The following SCAPER variants were observed in gnomAD, a reference collection of about 807,000 sequenced individuals.
SCAPER encodes the protein S phase cyclin A-associated protein in the endoplasmic reticulum.
Under a neutral mutation model 182.2 loss-of-function variants are expected in SCAPER, and 98 were observed. That is an observed-to-expected ratio of 0.54 (90% CI 0.46 to 0.64). The LOEUF (loss-of-function observed/expected upper bound fraction) is 0.64. SCAPER is among the 30% of genes least tolerant of loss of function. The probability of loss-of-function intolerance (pLI) is 0.00; values close to 1 mark genes in which losing one functional copy is unlikely to be tolerated. For synonymous variants in SCAPER, 605 were observed against 564.6 expected, an observed-to-expected ratio of 1.07 and a Z score of -1.01; for missense variants, 1,432 against 1,690.0, an observed-to-expected ratio of 0.85 and a Z score of 2.68.
intron 22 of SCAPER, among the ~76,000 whole-genome samples, chr15:76,611,943 T>C (rs966096605): frequency 6.6e-6 from 1 of 152,076 alleles, no homozygotes; most frequent in African/African-American, 2.4e-5. Flanking sequence ...GGAATATACC[T>C]CAAAATAATA....
At chr15:76,656,896 G>T (rs1218265468) in intron 21 of SCAPER, among the ~76,000 whole-genome samples, 1 of 152,144 alleles carries the variant, frequency 6.6e-6, no homozygotes, top group Non-Finnish European at 1.5e-5. Flanking sequence ...CACAGCTAAA[G>T]CAGTGTTAAG....
rs1028633525 is a variant in SCAPER at position 76,722,851 on chromosome 15, G to A, written c.2165+5744C>T. Among the ~76,000 whole-genome samples, 8 of 151,660 alleles carry A rather than the reference G, an allele frequency of 5.3e-5. No individual in the cohort carries two copies. The East Asian group carries it at 5.8e-4, about 11-fold the overall frequency. On this transcript the variant is annotated intron_variant, in intron 17 of 31. Transcript: ENST00000563290. Reference sequence around the variant, plus strand: ...TTATTAGTCTTGCTAGCAGTCTATCGATTTTGCTGATCTTTTAAAAAAACA... The same window carrying A: ...TTATTAGTCTTGCTAGCAGTCTATCAATTTTGCTGATCTTTTAAAAAAACA...
chr15:76,554,447 G>C (rs905433445), intron 23 of SCAPER, among the ~76,000 whole-genome samples: 1 of 152,134 alleles, frequency 6.6e-6, no homozygotes, highest in Non-Finnish European at 1.5e-5. Flanking sequence ...AAACTCTCTA[G>C]ATAGGAATAA....
At chr15:76,738,029 A>G (rs2061362833) in intron 15 of SCAPER, among the ~76,000 whole-genome samples, 1 of 152,208 alleles carries the variant, frequency 6.6e-6, no homozygotes, top group African/African-American at 2.4e-5. Context: ...CTTTCTTATC[A>G]TTCATATGTT....
chr15:76,639,491 T>C (rs1344649371), intron 21 of SCAPER, among the ~76,000 whole-genome samples: 1 of 152,246 alleles, frequency 6.6e-6, no homozygotes, highest in Non-Finnish European at 1.5e-5. Context: ...TAACTATAGC[T>C]ATGACTGGTA....
intron 29 of SCAPER, among the ~76,000 whole-genome samples, chr15:76,358,276 C>T (rs149720580): frequency 6.6e-6 from 1 of 152,328 alleles, no homozygotes; most frequent in African/African-American, 2.4e-5. Context: ...GGAGACAAGA[C>T]CGTAGGTGCA....
chr15:76,646,542 T>C (rs1368255516), intron 21 of SCAPER, among the ~76,000 whole-genome samples: 2 of 152,192 alleles, frequency 1.3e-5, no homozygotes, highest in Non-Finnish European at 2.9e-5. Flanking sequence ...ACAAATCTAG[T>C]TCCTTTATCT....
intron 23 of SCAPER, among the ~76,000 whole-genome samples, chr15:76,560,591 G>A (rs1209941206): frequency 6.6e-6 from 1 of 152,072 alleles, no homozygotes; most frequent in Non-Finnish European, 1.5e-5. Flanking sequence ...GCTCTTAACT[G>A]CTTCCCTAAA....
At chr15:76,627,741 C>T (rs975852137) in intron 21 of SCAPER, among the ~76,000 whole-genome samples, 3 of 152,166 alleles carry the variant, frequency 2.0e-5, no homozygotes, top group East Asian at 1.9e-4. Flanking sequence ...GTGAATAGTG[C>T]TGTAATGAAC....
chr15:76,681,366 A>G (rs1020930781), intron 20 of SCAPER, among the ~76,000 whole-genome samples: 1 of 152,244 alleles, frequency 6.6e-6, no homozygotes, highest in Non-Finnish European at 1.5e-5. Context: ...TAAATACTAT[A>G]AGACTAGTTT....
At chr15:76,843,371 C>T (rs1468755967) in intron 4 of SCAPER, among the ~76,000 whole-genome samples, 1 of 152,032 alleles carries the variant, frequency 6.6e-6, no homozygotes, top group Non-Finnish European at 1.5e-5. Context: ...TGTGACAGGA[C>T]AAATATTACT....
intron 25 of SCAPER, among the ~76,000 whole-genome samples, chr15:76,445,409 G>C (rs986260775): frequency 1.3e-5 from 2 of 152,070 alleles, no homozygotes; most frequent in Admixed American, 1.3e-4. Flanking sequence ...TTATATTCTG[G>C]AAACTTTGTG....
At chr15:76,836,475 T>A (rs2068961477) in intron 5 of SCAPER, among the ~76,000 whole-genome samples, 1 of 152,204 alleles carries the variant, frequency 6.6e-6, no homozygotes, top group Non-Finnish European at 1.5e-5. Context: ...AAGGATTCCT[T>A]ATTCAATAAA....
intron 1 of SCAPER, among the ~76,000 whole-genome samples, chr15:76,890,810 T>C (rs938474468): frequency 6.6e-6 from 1 of 152,186 alleles, no homozygotes; most frequent in Non-Finnish European, 1.5e-5. Context: ...CCTCCCTAAC[T>C]CATTTTATGA....
intron 7 of SCAPER, chr15:76,797,380 A>G (rs1030092440): frequency 6.6e-6 from 1 of 152,120 alleles, no homozygotes; most frequent in Non-Finnish European, 1.5e-5. Context: ...TGAAGCAAAC[A>G]AAGAGCTGAC....
intron 22 of SCAPER, among the ~76,000 whole-genome samples, chr15:76,601,128 A>G (rs895508947): frequency 6.5e-5 from 8 of 122,448 alleles, no homozygotes; most frequent in African/African-American, 2.0e-4. Context: ...GGTAGTAGAC[A>G]ATATTCTAAA....
chr15:76,559,201 A>ATTTTTTTTTTTTTTTT (rs58642207), intron 23 of SCAPER, among the ~76,000 whole-genome samples: 2 of 121,828 alleles, frequency 1.6e-5, no homozygotes, highest in African/African-American at 3.8e-5. Flanking sequence ...CACCCAGCTA[A>ATTTTTTTTTTTTTTTT]TTTTTTTTTT....
intron 4 of SCAPER, 25 bp downstream of exon 4, chr15:76,857,784 A>C: frequency 7.2e-7 from 1 of 1,390,372 alleles, no homozygotes; most frequent in Non-Finnish European, 9.7e-7. Context: ...AAAGTAAATA[A>C]GTAAAAAAGT....
At chr15:76,355,266 T>C (rs1412375518) in intron 29 of SCAPER, among the ~76,000 whole-genome samples, 1 of 152,240 alleles carries the variant, frequency 6.6e-6, no homozygotes, top group African/African-American at 2.4e-5. Flanking sequence ...TTTCGTTCAA[T>C]AGCTAAAATG....
Sources: allele counts gnomAD v4.1 joint callset (sites outside exome capture counted in the v4.1 genomes callset), GRCh38; gene constraint gnomAD v4.1.1; transcripts MANE v1.5; gene names NCBI Gene and HGNC (gene_info 2026-07-23, HGNC 2026-07-21).